AGBL1: variants seen among roughly 807,000 people sequenced by gnomAD.
The protein encoded by AGBL1 is cytosolic carboxypeptidase 4.
AGBL1 carries 130 observed loss-of-function variants against 118.9 expected under a neutral mutation model. The observed-to-expected ratio is 1.09, with a 90% CI of 0.95 to 1.26. AGBL1 has a LOEUF of 1.26. Among genes scored for constraint, AGBL1 ranks in the 50% most tolerant of loss-of-function variants. The pLI is 0.00. For synonymous variants in AGBL1, 555 were observed against 478.9 expected, an observed-to-expected ratio of 1.16 and a Z score of -2.08; for missense variants, 1,584 against 1,298.1, an observed-to-expected ratio of 1.22 and a Z score of -3.38.
chr15:86,581,623 A>G (rs767750473), intron 21 of AGBL1, among the ~76,000 whole-genome samples: 37 of 152,094 alleles, frequency 2.4e-4, no homozygotes, highest in Non-Finnish European at 4.3e-4. Context: ...GTGTGTCATA[A>G]CACTCCTCGG....
chr15:86,747,786 T>C (rs528739188), intron 22 of AGBL1, among the ~76,000 whole-genome samples: 1 of 152,202 alleles, frequency 6.6e-6, no homozygotes, highest in Admixed American at 6.6e-5. Context: ...GCTTCATCCA[T>C]GTCCCTACAA....
intron 1 of AGBL1, among the ~76,000 whole-genome samples, chr15:86,085,731 G>A (rs1895603566): frequency 6.6e-6 from 1 of 152,190 alleles, no homozygotes; most frequent in Non-Finnish European, 1.5e-5. Flanking sequence ...GATGAACTGA[G>A]GCTCAGGGAT....
chr15:86,131,847 G>A (rs943161760), intron 1 of AGBL1, among the ~76,000 whole-genome samples: 11 of 151,960 alleles, frequency 7.2e-5, no homozygotes, highest in Non-Finnish European at 1.3e-4. Context: ...CTACTCGGGA[G>A]GCTGAGGTAG....
At chr15:86,954,691 A>G (rs1028436317) in intron 23 of AGBL1, among the ~76,000 whole-genome samples, 8 of 152,098 alleles carry the variant, frequency 5.3e-5, no homozygotes, top group Non-Finnish European at 1.0e-4. Flanking sequence ...AAAACTACCT[A>G]TTGGGTCCTC....
Position 86,908,013 on chromosome 15 carries a change from CT to C in AGBL1, c.*720del, listed in dbSNP as rs1053916896. ...ATAATGCTAGGAAGTACCAGACCTA[CT>C]GGAAAATTTATTCATTTCAGAATCT... is the stretch of plus-strand genomic sequence containing the variant. On this transcript the variant is annotated 3_prime_UTR_variant, in exon 23 of 23. Coordinates refer to ENST00000614907, the MANE Select transcript of AGBL1 (RefSeq NM_001386094.1). The C allele has an allele frequency of 2.0e-5, 3 of 152,182 alleles. No homozygotes were observed. The highest frequency in any genetic ancestry group is 7.2e-5 in the African/African-American group (3 of 41,444). The allele number at this position is 152,182 out of a possible 1,614,324, so 9.4% of individuals were successfully genotyped here.
intron 18 of AGBL1, among the ~76,000 whole-genome samples, chr15:86,493,334 A>C (rs1471637635): frequency 6.6e-6 from 1 of 152,098 alleles, no homozygotes; most frequent in Non-Finnish European, 1.5e-5. Flanking sequence ...GGTAGATGGT[A>C]GACTGAAACC....
At chr15:86,116,351 T>C (rs1251127148) in intron 1 of AGBL1, among the ~76,000 whole-genome samples, 1 of 152,204 alleles carries the variant, frequency 6.6e-6, no homozygotes, top group Non-Finnish European at 1.5e-5. Context: ...TATGTGTTTG[T>C]TTTTTTCCAA....
At chr15:86,863,059 A>G (rs2079580420) in intron 22 of AGBL1, among the ~76,000 whole-genome samples, 1 of 152,190 alleles carries the variant, frequency 6.6e-6, no homozygotes, top group Admixed American at 6.5e-5. Flanking sequence ...ATGCTGCAGG[A>G]GGTAAATTAC....
At chr15:86,477,367 C>A (rs1399198067) in intron 18 of AGBL1, among the ~76,000 whole-genome samples, 2 of 152,062 alleles carry the variant, frequency 1.3e-5, no homozygotes, top group African/African-American at 2.4e-5. Context: ...AGAGAAGAAT[C>A]AAATAGACGC....
chr15:86,292,760 T>C (rs2079567451), intron 16 of AGBL1, among the ~76,000 whole-genome samples: 1 of 152,132 alleles, frequency 6.6e-6, no homozygotes, highest in Non-Finnish European at 1.5e-5. Context: ...TGAAAAAGGG[T>C]GAGAAGAGGG....
rs2080408010 is a variant in AGBL1, at chr15:86,915,466, GT to G, written c.*8174del. On this transcript the variant is annotated 3_prime_UTR_variant, in exon 23 of 23. Coordinates refer to ENST00000614907, the MANE Select transcript of AGBL1 (RefSeq NM_001386094.1). ...TTCTCAGAAAGCACCTTACTCTTCTGTTCCCTCTTCTTCCATCCATGTGCCT... is the reference window on the plus strand; with the variant it reads ...TTCTCAGAAAGCACCTTACTCTTCTGTCCCTCTTCTTCCATCCATGTGCCT... The G allele has an allele frequency of 6.6e-6, 1 of 152,122 alleles. No homozygotes were observed. The highest frequency in any genetic ancestry group is 2.4e-5 in the African/African-American group (1 of 41,376). 9.4% of individuals were successfully genotyped at this position (152,122 alleles called of 1,614,324 possible). A position where few individuals can be genotyped will look rare whatever the true frequency, so the allele number is the denominator to read the frequency against.
intron 17 of AGBL1, among the ~76,000 whole-genome samples, chr15:86,377,811 A>G (rs1057172953): frequency 4.6e-5 from 7 of 152,172 alleles, no homozygotes; most frequent in African/African-American, 1.4e-4. Flanking sequence ...TTTGGAGGTC[A>G]TCTTTGATTT....
rs763707159 is a variant in AGBL1 at position 86,669,833 on chromosome 15, AGT to A, written c.2995-4432_2995-4431del. On this transcript the variant is annotated intron_variant, in intron 21 of 22. Transcript: ENST00000614907. ...GCAAACTATGGCAATAAAGTCTGAA[AGT>A]GTGTGTGGAGGGGAGTGGGGTCTGA... Among the ~76,000 whole-genome samples, 13 of 152,288 alleles carry A rather than the reference AGT, an allele frequency of 8.5e-5. No individual in the cohort carries two copies. In the East Asian group the frequency reaches 9.6e-4, roughly 11 times the overall value.
chr15:86,590,688 G>C (rs1048926893), intron 21 of AGBL1, among the ~76,000 whole-genome samples: 2 of 152,136 alleles, frequency 1.3e-5, no homozygotes, highest in African/African-American at 4.8e-5. Flanking sequence ...ACCTTTAAAG[G>C]TGTCAGACTC....
intron 22 of AGBL1, among the ~76,000 whole-genome samples, chr15:86,808,140 T>G (rs1676005134): frequency 6.6e-6 from 1 of 152,184 alleles, no homozygotes; most frequent in South Asian, 2.1e-4. Flanking sequence ...TCTAATAAAT[T>G]TTCAATCCAT....
chr15:87,013,841 A>G (rs1256949024), intron 24 of AGBL1, among the ~76,000 whole-genome samples: 1 of 152,188 alleles, frequency 6.6e-6, no homozygotes, highest in Non-Finnish European at 1.5e-5. Flanking sequence ...CAGCTCAACT[A>G]TTCCAGAGCA....
chr15:86,499,568 A>G (rs1203199629), intron 18 of AGBL1, among the ~76,000 whole-genome samples: 1 of 151,912 alleles, frequency 6.6e-6, no homozygotes, highest in Non-Finnish European at 1.5e-5. Flanking sequence ...TCAGTCTGAA[A>G]GGAGGATTGT....
intron 21 of AGBL1, among the ~76,000 whole-genome samples, chr15:86,645,915 A>G (rs1359724882): frequency 1.3e-5 from 2 of 152,198 alleles, no homozygotes; most frequent in Admixed American, 1.3e-4. Flanking sequence ...CCAAAACAAA[A>G]GCCTCAAATT....
chr15:86,954,136 C>A (rs1567257175), intron 23 of AGBL1, among the ~76,000 whole-genome samples: 2 of 151,924 alleles, frequency 1.3e-5, no homozygotes, highest in African/African-American at 4.8e-5. Context: ...ATTAAAAAGT[C>A]AAAAAACAAC....
Sources: allele counts gnomAD v4.1 joint callset (sites outside exome capture counted in the v4.1 genomes callset), GRCh38; gene constraint gnomAD v4.1.1; transcripts MANE v1.5; gene names NCBI Gene and HGNC (gene_info 2026-07-23, HGNC 2026-07-21).